Variants in RFX3 observed in about 807,000 individuals in gnomAD.
RFX3 encodes the protein regulatory factor X3.
A neutral mutation model predicts 98.6 loss-of-function variants in RFX3; 14 were observed. The observed-to-expected ratio is 0.14, with a 90% CI of 0.09 to 0.22. The LOEUF is 0.22. Among genes scored for constraint, RFX3 ranks in the 10% least tolerant of loss-of-function variants. The pLI, the probability that RFX3 is intolerant of heterozygous loss-of-function variation, is 1.00. For missense variants in RFX3, 639 were observed against 926.9 expected (o/e 0.69, Z 4.03); for synonymous variants, 383 against 328.4 (o/e 1.17, Z -1.80).
chr9:3,337,378 A>C (rs1783690836), intron 3 of RFX3, among the ~76,000 whole-genome samples: 1 of 152,228 alleles, frequency 6.6e-6, no homozygotes, highest in Non-Finnish European at 1.5e-5. Flanking sequence ...TTGAGAGCAC[A>C]AGAGGTGCAT....
chr9:3,432,392 G>C (rs1054340199), intron 1 of RFX3, among the ~76,000 whole-genome samples: 2 of 152,156 alleles, frequency 1.3e-5, no homozygotes, highest in African/African-American at 2.4e-5. Flanking sequence ...CCCCAGTAGA[G>C]AGAACGTCAT....
intron 1 of RFX3, among the ~76,000 whole-genome samples, chr9:3,450,746 G>C (rs1846531151): frequency 6.6e-6 from 1 of 151,366 alleles, no homozygotes; most frequent in South Asian, 2.1e-4. Flanking sequence ...TATCATTACA[G>C]AATTTTTTTA....
intron 1 of RFX3, among the ~76,000 whole-genome samples, chr9:3,437,211 G>C (rs1845208340): frequency 2.0e-5 from 3 of 152,022 alleles, no homozygotes; most frequent in Admixed American, 2.0e-4. Flanking sequence ...AATTAAGCCA[G>C]CTTTAGTTGG....
At chr9:3,502,453 T>C (rs73639899) in intron 1 of RFX3, among the ~76,000 whole-genome samples, 126 of 152,300 alleles carry the variant, frequency 8.3e-4, no homozygotes, top group African/African-American at 2.8e-3. Flanking sequence ...AAAAACTCAC[T>C]TATATATTTC....
At chr9:3,298,407 G>A (rs1445935974) in intron 5 of RFX3, among the ~76,000 whole-genome samples, 1 of 151,772 alleles carries the variant, frequency 6.6e-6, no homozygotes, top group Non-Finnish European at 1.5e-5. Flanking sequence ...CACATGATTG[G>A]CAAAGGCATC....
At chr9:3,248,397 T>G (rs547655108) in intron 14 of RFX3, among the ~76,000 whole-genome samples, 2 of 152,216 alleles carry the variant, frequency 1.3e-5, no homozygotes, top group Non-Finnish European at 2.9e-5. Flanking sequence ...TTGATCCTTA[T>G]TCAAGATAGA....
chr9:3,325,147 C>A (rs998456232), intron 4 of RFX3, among the ~76,000 whole-genome samples: 3 of 152,094 alleles, frequency 2.0e-5, no homozygotes, highest in African/African-American at 7.2e-5. Flanking sequence ...AAATCAAACA[C>A]ATGGCCATTG....
chr9:3,244,722 G>C (rs1820411444), intron 15 of RFX3, among the ~76,000 whole-genome samples: 1 of 152,118 alleles, frequency 6.6e-6, no homozygotes, highest in African/African-American at 2.4e-5. Flanking sequence ...GTCCTCCCAG[G>C]CTAGATTTAG....
chr9:3,418,901 G>A (rs946698842), intron 1 of RFX3, among the ~76,000 whole-genome samples: 1 of 152,134 alleles, frequency 6.6e-6, no homozygotes, highest in Non-Finnish European at 1.5e-5. Context: ...GTATTACATG[G>A]AGTGTTTTTG....
intron 1 of RFX3, among the ~76,000 whole-genome samples, chr9:3,417,666 G>A (rs979534120): frequency 9.9e-5 from 15 of 152,056 alleles, no homozygotes; most frequent in African/African-American, 3.6e-4. Flanking sequence ...ATAAATTTGG[G>A]TGAAGAACAA....
intron 14 of RFX3, among the ~76,000 whole-genome samples, chr9:3,253,580 A>G (rs1358207846): frequency 6.6e-6 from 1 of 152,044 alleles, no homozygotes; most frequent in African/African-American, 2.4e-5. Flanking sequence ...GGGAACCACA[A>G]TTAGTCACTG....
chr9:3,519,841 A>G (rs765103919), intron 1 of RFX3, among the ~76,000 whole-genome samples: 3 of 152,186 alleles, frequency 2.0e-5, no homozygotes, highest in Non-Finnish European at 4.4e-5. Flanking sequence ...CGAAATAAAA[A>G]CTACAAATAT....
chr9:3,333,528 AT>A (rs1832833024), intron 3 of RFX3, among the ~76,000 whole-genome samples: 1 of 150,728 alleles, frequency 6.6e-6, no homozygotes, highest in Non-Finnish European at 1.5e-5. Context: ...TGGAAATCTC[AT>A]TTGTTTCTTT....
chr9:3,462,543 T>C (rs774662362), intron 1 of RFX3, among the ~76,000 whole-genome samples: 1 of 151,986 alleles, frequency 6.6e-6, no homozygotes, highest in African/African-American at 2.4e-5. Flanking sequence ...ACCAATGCAA[T>C]AAGGTAAGAA....
rs957070006 is a variant in RFX3 at position 3,525,801 on chromosome 9, GGGAGGAGGA to G, written c.-72_-64del. 20 of 651,290 alleles carry G rather than the reference GGGAGGAGGA, an allele frequency of 3.1e-5. No homozygotes were observed. Among genetic ancestry groups the G allele is most frequent in the Non-Finnish European group, 3.4e-5 (18 of 524,120 alleles). 40.3% of individuals were successfully genotyped at this position (651,290 alleles called of 1,614,324 possible). A position where few individuals can be genotyped will look rare whatever the true frequency, so the allele number is the denominator to read the frequency against. The stretch of plus-strand genomic sequence containing the variant: ...GTGGGTGATGGAGATGGTGGTGGTG[GGGAGGAGGA>G]GGAGGAAGAGGAGGAGGAGGAGGAG... On this transcript the variant is annotated 5_prime_UTR_variant, in exon 1 of 17. Transcript: ENST00000617270.
intron 2 of RFX3, chr9:3,394,913 T>G: frequency 1.2e-6 from 1 of 821,230 alleles, no homozygotes; most frequent in Non-Finnish European, 1.5e-6. Flanking sequence ...AAATATCTGA[T>G]GATGAATTCA....
At chr9:3,392,986 T>C (rs1246857545) in intron 2 of RFX3, among the ~76,000 whole-genome samples, 3 of 144,180 alleles carry the variant, frequency 2.1e-5, no homozygotes, top group African/African-American at 7.7e-5. Flanking sequence ...CATGAAATTA[T>C]TGTTTTTGTA....
chr9:3,525,941 G>GGAGA lies in RFX3; in HGVS notation c.-207_-204dup, dbSNP rs145015971. 10 of 781,884 alleles carry GGAGA rather than the reference G, an allele frequency of 1.3e-5. No homozygotes were observed. The highest frequency in any genetic ancestry group is 1.3e-4 in the East Asian group (1 of 7,726). The allele number at this position is 781,884 out of a possible 1,614,324, so 48.4% of individuals were successfully genotyped here. A position where few individuals can be genotyped will look rare whatever the true frequency, so the allele number is the denominator to read the frequency against. ...TAACTCACAAAAGAGAGAGAGAGAG[G>GGAGA]GAGAGAGAGAGAGAGCGAGAGGGAG... On this transcript the variant is annotated 5_prime_UTR_variant, in exon 1 of 17. Transcript: ENST00000617270.
chr9:3,378,555 C>CTT (rs869126415), intron 2 of RFX3, among the ~76,000 whole-genome samples: 57 of 125,050 alleles, frequency 4.6e-4, no homozygotes, highest in South Asian at 2.9e-3. Flanking sequence ...TTTTTTCTTT[C>CTT]TTTTTTTTTT....
Sources: gnomAD v4.1 joint callset for allele counts (sites outside exome capture counted in the v4.1 genomes callset) on GRCh38, gnomAD v4.1.1 for gene constraint, MANE v1.5 for transcripts, NCBI Gene and HGNC (gene_info 2026-07-23, HGNC 2026-07-21) for gene names.